STAT6: variants seen among roughly 807,000 people sequenced by gnomAD.
STAT6 encodes STAT, interleukin4-induced.
STAT6 carries 45 observed loss-of-function variants against 106.3 expected under a neutral mutation model. The ratio of observed to expected loss-of-function variants is 0.42; its 90% CI spans 0.33 to 0.54. STAT6 has a LOEUF of 0.54. STAT6 is among the 20% of genes least tolerant of loss of function. The pLI is 0.06. For synonymous variants in STAT6, 413 were observed against 413.6 expected (o/e 1.00, Z 0.02); for missense variants, 797 against 1,062.2 (o/e 0.75, Z 3.47).
chr12:57,102,964 CCTTTTTTTTTTTTTTTTTTTT>C lies in STAT6; in HGVS notation c.1213-64_1213-44del. 6 of 279,914 alleles carry C rather than the reference CCTTTTTTTTTTTTTTTTTTTT, an allele frequency of 2.1e-5. No individual in the cohort carries two copies. In the South Asian group the frequency reaches 3.1e-4, roughly 15 times the overall value. 17.3% of individuals were successfully genotyped at this position (279,914 alleles called of 1,614,324 possible). ...AGGGGTTTCTTTTCTTTCTTTCTTT[CCTTTTTTTTTTTTTTTTTTTT>C]TTTTTTTTTTTTTTTTTTTTTTTTT... On this transcript the variant is annotated intron_variant, in intron 11 of 21. Coordinates refer to ENST00000300134, the MANE Select transcript of STAT6 (RefSeq NM_003153.5).
At chr12:57,100,944 G>A (rs2136582673) in intron 13 of STAT6, 1 of 450,808 alleles carries the variant, frequency 2.2e-6, no homozygotes, top group East Asian at 7.1e-5. Flanking sequence ...AAGAGATGTT[G>A]GGAGGATTAA....
At position 57,101,386 on chromosome 12, in the gene STAT6, C is replaced by CTTT. The variant is rs60908631; in HGVS notation, c.1512+901_1512+903dup. Among the ~76,000 whole-genome samples, 7 of 120,808 alleles carry CTTT rather than the reference C, an allele frequency of 5.8e-5. 1 individual carries two copies. Among genetic ancestry groups the CTTT allele is most frequent in the African/African-American group, 9.0e-5 (3 of 33,512 alleles). 79.3% of individuals were successfully genotyped at this position (120,808 alleles called of 152,430 possible). A position where few individuals can be genotyped will look rare whatever the true frequency, so the allele number is the denominator to read the frequency against. On this transcript the variant is annotated intron_variant, in intron 13 of 21. Transcript: ENST00000300134. ...ACAGGTGTGAGCCACCACACCTAGCCTTTTTTTTTTTTTTTTTTGATACAG... is the reference window on the plus strand; with the variant it reads ...ACAGGTGTGAGCCACCACACCTAGCCTTTTTTTTTTTTTTTTTTTTTGATACAG...
intron 7 of STAT6, 52 bp from the exon 8 acceptor site, chr12:57,105,651 G>T: frequency 3.1e-6 from 5 of 1,588,268 alleles, no homozygotes; most frequent in Non-Finnish European, 3.4e-6. Flanking sequence ...GCTTGCTCCG[G>T]CCCAGACCCC....
rs1330891831 is a variant in STAT6 at position 57,096,221 on chromosome 12, TACCC to T, written c.*347_*350del. On this transcript the variant is annotated 3_prime_UTR_variant, in exon 22 of 22. Coordinates refer to ENST00000300134, the MANE Select transcript of STAT6 (RefSeq NM_003153.5). Reference sequence around the variant, plus strand: ...CCTTCCATGCCCTAACCTGTGCTCTTACCCAGCCCCCCTCCTGCTCAGCCCCATC... The same window carrying T: ...CCTTCCATGCCCTAACCTGTGCTCTTAGCCCCCCTCCTGCTCAGCCCCATC... 4.2e-6 allele frequency: 1 copy of T among 236,180 alleles called. No individual in the cohort carries two copies. Among genetic ancestry groups the T allele is most frequent in the African/African-American group, 2.3e-5 (1 of 43,696 alleles). The allele number at this position is 236,180 out of a possible 1,614,324, so 14.6% of individuals were successfully genotyped here.
chr12:57,105,797 A>G (rs2034236864), intron 7 of STAT6, 198 bp from the exon 8 acceptor site: 2 of 942,576 alleles, frequency 2.1e-6, no homozygotes, highest in Admixed American at 6.0e-5. Flanking sequence ...GTTCATTCTC[A>G]GTGCCTACAC....
intron 1 of STAT6, among the ~76,000 whole-genome samples, chr12:57,108,725 G>A (rs2034421943): frequency 6.6e-6 from 1 of 152,202 alleles, no homozygotes; most frequent in Non-Finnish European, 1.5e-5. Flanking sequence ...GGCAATGTCA[G>A]CTTTTAATCT....
At position 57,098,792 on chromosome 12, in the gene STAT6, A is replaced by G. The variant is rs1173595397; in HGVS notation, c.2066T>C (p.Val689Ala). The change falls in exon 18 of 22, where the codon GTG becomes GCG. Residue 689 changes from valine to alanine, a missense_variant and splice_region_variant. Val to Ala is a moderately conservative substitution (Grantham distance 64). This residue lies in a region of STAT6 where 226 missense variants were observed against 236.7 expected (regional missense o/e 0.95). Coordinates refer to ENST00000300134, the MANE Select transcript of STAT6 (RefSeq NM_003153.5). ...SMSMQLGPDM[V>A]PQVYPPHSHS... ...CATTCCTGTCTTTCCAGCTCCTTAC[A>G]CCATATCTGGGCCAAGCTGCATGCT... 1.2e-6 allele frequency: 2 copies of G among 1,613,308 alleles called. No individual in the cohort carries two copies. Among genetic ancestry groups the G allele is most frequent in the East Asian group, 4.5e-5 (2 of 44,870 alleles).
Position 57,101,308 on chromosome 12 carries a change from C to T in STAT6, c.1512+982G>A, listed in dbSNP as rs552253743. Among the ~76,000 whole-genome samples, 102 of 151,202 alleles carry T rather than the reference C, an allele frequency of 6.7e-4. 2 individuals are homozygous for T. In the South Asian group the frequency reaches 0.021, roughly 31 times the overall value. ...TTCACCATGTTGGTCAGGATGGTCT[C>T]GATCTCTTGACCTTGTGATCCGCCC... is the stretch of plus-strand genomic sequence containing the variant. On this transcript the variant is annotated intron_variant, in intron 13 of 21. Transcript: ENST00000300134.
At chr12:57,108,040 T>C (rs1161437351) in intron 2 of STAT6, 123 bp downstream of exon 2, 1 of 703,976 alleles carries the variant, frequency 1.4e-6, no homozygotes, top group Admixed American at 2.4e-5. Context: ...TAAATCTAGG[T>C]CACTACACAT....
Position 57,099,953 on chromosome 12 carries a change from G to A in STAT6, c.1607+43C>T, listed in dbSNP as rs1565682875. ...GGGCATGGGCAGTGAGTATGGAGGT[G>A]ACTGGTGTATGGCTGCTCAGACTAC... On this transcript the variant is annotated intron_variant, in intron 14 of 21. Coordinates refer to ENST00000300134, the MANE Select transcript of STAT6 (RefSeq NM_003153.5). This position sits in a 1 kb window ranked among gnomAD's most constrained non-coding sequence, Gnocchi z 4.7. 1 of 1,614,148 alleles carries A rather than the reference G, an allele frequency of 6.2e-7. No homozygotes were observed.
intron 9 of STAT6, 120 bp downstream of exon 9, chr12:57,105,031 A>G: frequency 3.8e-6 from 5 of 1,323,756 alleles, no homozygotes; most frequent in Non-Finnish European, 5.1e-6. Context: ...TTGACCATTC[A>G]GGGTCTCCAC....
At chr12:57,098,037 A>ATAG (rs2136562837) in intron 19 of STAT6, among the ~76,000 whole-genome samples, 1 of 152,328 alleles carries the variant, frequency 6.6e-6, no homozygotes, top group African/African-American at 2.4e-5. Context: ...GCCTCAGTGT[A>ATAG]TAGTAGTCTA....
Position 57,108,162 on chromosome 12 carries a change from C to T in STAT6, c.116+1G>A. ...ACCAGCAGGGAGCAGCCAGGACTCA[C>T]CAGGGCTGGCTCTCCAGCCAGTCAC... On this transcript the variant is annotated splice_donor_variant, in intron 2 of 21. Coordinates refer to ENST00000300134, the MANE Select transcript of STAT6 (RefSeq NM_003153.5). LOFTEE classifies it high-confidence loss of function. 6.3e-7 allele frequency: 1 copy of T among 1,592,098 alleles called. No individual in the cohort carries two copies.
chr12:57,101,334 G>C (rs1444752839), intron 13 of STAT6, among the ~76,000 whole-genome samples: 2 of 150,072 alleles, frequency 1.3e-5, no homozygotes, highest in Non-Finnish European at 3.0e-5. Context: ...TGATCCGCCC[G>C]CCTCAGCCTC....
chr12:57,101,757 T>A (rs1033506512), intron 13 of STAT6, among the ~76,000 whole-genome samples: 1 of 149,438 alleles, frequency 6.7e-6, no homozygotes, highest in Non-Finnish European at 1.5e-5. Context: ...CTCCACCTCC[T>A]GGGTTCAAGC....
At chr12:57,109,675 A>G (rs1332909002) in intron 1 of STAT6, among the ~76,000 whole-genome samples, 1 of 152,120 alleles carries the variant, frequency 6.6e-6, no homozygotes, top group Non-Finnish European at 1.5e-5. Flanking sequence ...TAGAAGAGAG[A>G]GGAAGCTGGA....
intron 4 of STAT6, 74 bp downstream of exon 4, chr12:57,107,157 C>A: frequency 3.4e-6 from 5 of 1,491,172 alleles, no homozygotes; most frequent in Admixed American, 1.7e-5. Context: ...GGTTCAAATT[C>A]TTTCTAGTTT....
Position 57,106,854 on chromosome 12 carries a change from A to G in STAT6, c.340-23T>C, listed in dbSNP as rs1176505534. The stretch of plus-strand genomic sequence containing the variant: ...GAACTACACAGGAAGGACAGATGCC[A>G]AGAAGTGAAACACTCTGCTCATCCC... On this transcript the variant is annotated intron_variant, in intron 4 of 21. Coordinates refer to ENST00000300134, the MANE Select transcript of STAT6 (RefSeq NM_003153.5). The G allele has an allele frequency of 1.9e-6, 3 of 1,612,410 alleles. No individual in the cohort carries two copies. In the African/African-American group the frequency reaches 4.0e-5, roughly 22 times the overall value.
At chr12:57,103,006 T>A in intron 11 of STAT6, 85 bp from the exon 12 acceptor site, 1 of 647,692 alleles carries the variant, frequency 1.5e-6, no homozygotes, top group Non-Finnish European at 2.3e-6. Context: ...TTTTTTTTTT[T>A]TTTTTTTTAG....
Sources: gnomAD v4.1 joint callset for allele counts (sites outside exome capture counted in the v4.1 genomes callset) on GRCh38, gnomAD v4.1.1 for gene constraint, gnomAD v4.1.1 regional missense constraint, Gnocchi (gnomAD v3.1) non-coding constraint, MANE v1.5 for transcripts, NCBI Gene and HGNC (gene_info 2026-07-23, HGNC 2026-07-21) for gene names.